Variants in EZR observed in about 807,000 individuals in gnomAD.
The protein encoded by EZR is ezrin.
Under a neutral mutation model 74.8 loss-of-function variants are expected in EZR, and 40 were observed. The observed-to-expected ratio is 0.53, with a 90% CI of 0.42 to 0.70. EZR has a LOEUF of 0.70. Among genes scored for constraint, EZR ranks in the 30% least tolerant of loss-of-function variants. The probability of loss-of-function intolerance (pLI) is 0.00; values close to 1 mark genes in which losing one functional copy is unlikely to be tolerated. For synonymous variants in EZR, 341 were observed against 283.3 expected, an observed-to-expected ratio of 1.20 and a Z score of -2.05; for missense variants, 678 against 755.8, an observed-to-expected ratio of 0.90 and a Z score of 1.21.
chr6:158,772,727 T>C lies in EZR; in HGVS notation c.796-1320A>G, dbSNP rs77940498. Among the ~76,000 whole-genome samples the C allele has an allele frequency of 2.0e-5, 3 of 152,208 alleles. No homozygotes were observed. In the East Asian group the frequency reaches 5.8e-4, roughly 29 times the overall value. On this transcript the variant is annotated intron_variant, in intron 8 of 13. Coordinates refer to ENST00000367075, the MANE Select transcript of EZR (RefSeq NM_001111077.2). ...GTTATTTTTCAGTGACTCTGTTGGC[T>C]TCCTCTTAACCTCAGGGCCCCCAGC...
chr6:158,787,881 T>G (rs1375802704), intron 3 of EZR, among the ~76,000 whole-genome samples: 2 of 152,180 alleles, frequency 1.3e-5, no homozygotes, highest in South Asian at 2.1e-4. Context: ...AGCAAAGATT[T>G]CACATTTTCA....
chr6:158,783,294 C>T (rs1216804048), intron 7 of EZR, among the ~76,000 whole-genome samples: 1 of 150,878 alleles, frequency 6.6e-6, no homozygotes, highest in Non-Finnish European at 1.5e-5. Context: ...TCTACCAGGA[C>T]TGAGCCCACT....
intron 2 of EZR, among the ~76,000 whole-genome samples, chr6:158,795,502 T>TA (rs1777052403): frequency 6.6e-6 from 1 of 152,222 alleles, no homozygotes; most frequent in Admixed American, 6.5e-5. Context: ...ACAATAGCTT[T>TA]ATTCTTCTAA....
intron 11 of EZR, 139 bp from the exon 12 acceptor site, chr6:158,769,557 AGGGTCCAT>A: frequency 9.6e-7 from 1 of 1,041,332 alleles, no homozygotes; most frequent in Middle Eastern, 2.1e-4. Context: ...CATGGCCAGC[AGGGTCCAT>A]TGTGCACCCC....
chr6:158,809,775 A>G (rs761704526), intron 2 of EZR, among the ~76,000 whole-genome samples: 2 of 152,230 alleles, frequency 1.3e-5, no homozygotes, highest in African/African-American at 2.4e-5. Context: ...TTGTTTCTCT[A>G]AAGAGCCAGC....
chr6:158,809,225 C>CACAG (rs61618965), intron 2 of EZR, among the ~76,000 whole-genome samples: 79,734 of 151,564 alleles, frequency 0.53, 21,831 homozygotes, highest in Non-Finnish European at 0.61. Flanking sequence ...TGGGGCACGG[C>CACAG]ACAGAGATGG....
intron 2 of EZR, among the ~76,000 whole-genome samples, chr6:158,804,210 A>G (rs913981670): frequency 2.0e-5 from 3 of 152,012 alleles, no homozygotes; most frequent in African/African-American, 7.3e-5. Context: ...TACACTGGAA[A>G]TAACATACAT....
At chr6:158,776,529 T>C (rs753716034) in intron 7 of EZR, 25 bp from the exon 8 acceptor site, 11 of 1,520,028 alleles carry the variant, frequency 7.2e-6, no homozygotes, top group South Asian at 3.5e-5. Context: ...AAGAAGTGGA[T>C]GGTTAGATGT....
At chr6:158,807,329 A>AAC (rs1554275229) in intron 2 of EZR, among the ~76,000 whole-genome samples, 10 of 149,486 alleles carry the variant, frequency 6.7e-5, no homozygotes, top group Admixed American at 2.7e-4. Context: ...AAAAAAAAAA[A>AAC]AAACAAACAA....
chr6:158,776,291 A>T, intron 8 of EZR, 117 bp downstream of exon 8: 1 of 834,392 alleles, frequency 1.2e-6, no homozygotes. Context: ...CCTCAATGTA[A>T]CCTCATGAGG....
At chr6:158,770,732 C>T (rs750597189) in intron 10 of EZR, 32 bp downstream of exon 10, 2 of 1,613,738 alleles carry the variant, frequency 1.2e-6, no homozygotes, top group African/African-American at 1.3e-5. Context: ...ATGCATGACC[C>T]AGTGTAGAGT....
chr6:158,805,896 T>C lies in EZR; in HGVS notation c.12+12186A>G, dbSNP rs552691856. Among the ~76,000 whole-genome samples the C allele has an allele frequency of 2.0e-4, 31 of 152,334 alleles. 1 individual carries two copies. Among genetic ancestry groups the C allele is most frequent in the South Asian group, 1.0e-3 (5 of 4,832 alleles). On this transcript the variant is annotated intron_variant, in intron 2 of 13. Transcript: ENST00000367075. ...CCTGCCCACAGCCCCAGTATGTAGA[T>C]TGATCTCTTAAAATGGCTAAAGCCC...
chr6:158,801,878 T>C (rs1031637413), intron 2 of EZR, among the ~76,000 whole-genome samples: 10 of 152,176 alleles, frequency 6.6e-5, no homozygotes, highest in Admixed American at 5.9e-4. Context: ...TACAGACCAG[T>C]GTTAGCTGCT....
chr6:158,801,208 G>A lies in EZR; in HGVS notation c.13-11837C>T, dbSNP rs757309876. Among the ~76,000 whole-genome samples the A allele has an allele frequency of 4.6e-5, 7 of 152,268 alleles. No individual in the cohort carries two copies. In the East Asian group the frequency reaches 7.7e-4, roughly 17 times the overall value. On this transcript the variant is annotated intron_variant, in intron 2 of 13. Transcript: ENST00000367075. ...CGGCTCACTGTAGCCTCCACCTCCCGGGTTCAAGCGATTCTCCTGCCTCAG... is the reference window on the plus strand; with the variant it reads ...CGGCTCACTGTAGCCTCCACCTCCCAGGTTCAAGCGATTCTCCTGCCTCAG...
intron 2 of EZR, among the ~76,000 whole-genome samples, chr6:158,803,913 T>G (rs577678445): frequency 3.6e-4 from 54 of 151,640 alleles, no homozygotes; most frequent in Admixed American, 3.2e-3. Flanking sequence ...TTTCTGGGCA[T>G]TCACATTCAA....
chr6:158,803,638 T>TATATATATATATACATATACATAC (rs1562504727), intron 2 of EZR, among the ~76,000 whole-genome samples: 2 of 30,788 alleles, frequency 6.5e-5, no homozygotes, highest in African/African-American at 2.3e-4. Flanking sequence ...TATACATACA[T>TATATATATATATACATATACATAC]ATATATATAT....
chr6:158,802,782 G>A (rs549774484), intron 2 of EZR, among the ~76,000 whole-genome samples: 1 of 152,260 alleles, frequency 6.6e-6, no homozygotes, highest in African/African-American at 2.4e-5. Flanking sequence ...CACCCGCCTT[G>A]GCCTCCCAAA....
intron 2 of EZR, among the ~76,000 whole-genome samples, chr6:158,812,956 C>G (rs1394550883): frequency 2.0e-5 from 3 of 152,200 alleles, no homozygotes; most frequent in African/African-American, 7.2e-5. Context: ...AAGCTATGAG[C>G]TCCCTCAATG....
intron 2 of EZR, among the ~76,000 whole-genome samples, chr6:158,790,382 A>T (rs73030008): frequency 0.055 from 8,435 of 152,326 alleles, 340 homozygotes; most frequent in Middle Eastern, 0.14. Context: ...TTTTAAAAAA[A>T]CAAAACACTG....
Sources: gnomAD v4.1 joint callset for allele counts (sites outside exome capture counted in the v4.1 genomes callset) on GRCh38, gnomAD v4.1.1 for gene constraint, MANE v1.5 for transcripts, NCBI Gene and HGNC (gene_info 2026-07-23, HGNC 2026-07-21) for gene names.